Variants in PPFIBP1 observed in about 807,000 individuals in gnomAD.
The protein encoded by PPFIBP1 is liprin-beta-1.
A neutral mutation model predicts 137.8 loss-of-function variants in PPFIBP1; 112 were observed. The ratio of observed to expected loss-of-function variants is 0.81; its 90% CI spans 0.70 to 0.95. PPFIBP1 has a LOEUF of 0.95. Among genes scored for constraint, PPFIBP1 ranks in the 40% least tolerant of loss-of-function variants. PPFIBP1 has a pLI of 0.00. For missense variants in PPFIBP1, 1,083 were observed against 1,196.6 expected (o/e 0.91, Z 1.40); for synonymous variants, 378 against 417.3 (o/e 0.91, Z 1.15).
At chr12:27,638,507 G>A (rs922804766) in intron 4 of PPFIBP1, among the ~76,000 whole-genome samples, 17 of 26,978 alleles carry the variant, frequency 6.3e-4, no homozygotes, top group African/African-American at 1.4e-3. Flanking sequence ...TGGTTTTCTG[G>A]TCTGTAAAAT....
chr12:27,639,909 G>A (rs1233709931), intron 4 of PPFIBP1, among the ~76,000 whole-genome samples: 1 of 152,096 alleles, frequency 6.6e-6, no homozygotes, highest in Non-Finnish European at 1.5e-5. Context: ...AGCAGTCCCC[G>A]TCCTACCACC....
chr12:27,679,903 A>G (rs570308411), intron 20 of PPFIBP1, 30 bp from the exon 21 acceptor site: 1 of 1,613,640 alleles, frequency 6.2e-7, no homozygotes, highest in South Asian at 1.1e-5. Flanking sequence ...CCTCAGGTCT[A>G]ATACTGGCCA....
chr12:27,634,162 T>C (rs949715356), intron 3 of PPFIBP1, among the ~76,000 whole-genome samples: 1 of 148,496 alleles, frequency 6.7e-6, no homozygotes. Flanking sequence ...TTTTTTTTTT[T>C]AAGAGAGGAA....
intron 1 of PPFIBP1, among the ~76,000 whole-genome samples, chr12:27,565,652 C>G (rs11049048): frequency 0.12 from 17,848 of 152,230 alleles, 1,198 homozygotes; most frequent in South Asian, 0.28. Context: ...CTGTGCTACT[C>G]CCCGTGTCCC....
intron 2 of PPFIBP1, among the ~76,000 whole-genome samples, chr12:27,628,166 A>AT (rs1192426884): frequency 1.3e-5 from 2 of 151,994 alleles, no homozygotes; most frequent in African/African-American, 2.4e-5. Context: ...TGGATGGTGA[A>AT]TTTTTTTGTT....
intron 21 of PPFIBP1, among the ~76,000 whole-genome samples, chr12:27,680,773 G>A (rs1566005000): frequency 6.6e-6 from 1 of 152,102 alleles, no homozygotes; most frequent in Non-Finnish European, 1.5e-5. Context: ...TGCATAAGAG[G>A]GTGGGGTTGG....
intron 1 of PPFIBP1, among the ~76,000 whole-genome samples, chr12:27,549,971 G>C (rs1315744667): frequency 6.6e-6 from 1 of 152,236 alleles, no homozygotes; most frequent in Non-Finnish European, 1.5e-5. Flanking sequence ...AGTGGTTAAG[G>C]ACACAGGCTT....
At chr12:27,537,610 G>A (rs576107989) in intron 1 of PPFIBP1, among the ~76,000 whole-genome samples, 4 of 152,218 alleles carry the variant, frequency 2.6e-5, no homozygotes, top group South Asian at 4.1e-4. Flanking sequence ...TTTGGCCTGC[G>A]TGTTATTAAT....
At chr12:27,623,197 G>C (rs1393900118) in intron 2 of PPFIBP1, among the ~76,000 whole-genome samples, 5 of 152,010 alleles carry the variant, frequency 3.3e-5, no homozygotes, top group African/African-American at 7.3e-5. Context: ...AGTTAGAGTG[G>C]GTAGAGCAAT....
At chr12:27,659,943 TA>T (rs1026399974) in intron 10 of PPFIBP1, among the ~76,000 whole-genome samples, 1 of 151,198 alleles carries the variant, frequency 6.6e-6, no homozygotes, top group Non-Finnish European at 1.5e-5. Context: ...ATGCTGTCTC[TA>T]AAAAAAAGTA....
intron 5 of PPFIBP1, among the ~76,000 whole-genome samples, chr12:27,647,116 C>T (rs930419426): frequency 3.3e-5 from 5 of 152,232 alleles, no homozygotes; most frequent in African/African-American, 1.2e-4. Context: ...ATTCTCCTGC[C>T]TCAGCCTCCT....
intron 5 of PPFIBP1, chr12:27,646,403 C>A (rs1398253328): frequency 4.6e-6 from 2 of 435,204 alleles, no homozygotes; most frequent in Non-Finnish European, 8.6e-6. Context: ...GTTGTCTGAT[C>A]TGTTCTTTTT....
intron 2 of PPFIBP1, among the ~76,000 whole-genome samples, chr12:27,604,902 T>A (rs1450097407): frequency 2.0e-5 from 3 of 152,198 alleles, no homozygotes; most frequent in South Asian, 2.1e-4. Flanking sequence ...ACATCTTACA[T>A]GGATGGCGGG....
At chr12:27,637,906 T>C (rs1461800787) in intron 4 of PPFIBP1, among the ~76,000 whole-genome samples, 1 of 152,220 alleles carries the variant, frequency 6.6e-6, no homozygotes, top group Non-Finnish European at 1.5e-5. Context: ...GGATGTGTTT[T>C]ATGATCTTAA....
chr12:27,596,179 A>G (rs1773718408), intron 2 of PPFIBP1, among the ~76,000 whole-genome samples: 1 of 151,970 alleles, frequency 6.6e-6, no homozygotes, highest in South Asian at 2.1e-4. Flanking sequence ...ATTGGAATCT[A>G]TCAATTTCTA....
At chr12:27,546,355 A>C (rs1234076249) in intron 1 of PPFIBP1, among the ~76,000 whole-genome samples, 1 of 152,232 alleles carries the variant, frequency 6.6e-6, no homozygotes, top group Non-Finnish European at 1.5e-5. Context: ...ATGAGATCAC[A>C]TGTAAAATGC....
chr12:27,668,496 T>C (rs929575800), intron 13 of PPFIBP1, among the ~76,000 whole-genome samples: 5 of 152,224 alleles, frequency 3.3e-5, no homozygotes, highest in Admixed American at 3.3e-4. Context: ...TCCCTCTAAG[T>C]CATGCTTCCT....
intron 1 of PPFIBP1, among the ~76,000 whole-genome samples, chr12:27,554,711 G>A (rs987250212): frequency 2.0e-5 from 3 of 152,144 alleles, no homozygotes; most frequent in Non-Finnish European, 4.4e-5. Context: ...GCAAGTTAGT[G>A]TCCAGTTTCT....
chr12:27,647,376 C>G (rs1355067992), intron 5 of PPFIBP1, among the ~76,000 whole-genome samples: 6 of 151,924 alleles, frequency 3.9e-5, no homozygotes, highest in African/African-American at 9.7e-5. Flanking sequence ...ATTTCTATTT[C>G]AAACATTAAC....
Sources: allele counts gnomAD v4.1 joint callset (sites outside exome capture counted in the v4.1 genomes callset), GRCh38; gene constraint gnomAD v4.1.1; transcripts MANE v1.5; gene names NCBI Gene and HGNC (gene_info 2026-07-23, HGNC 2026-07-21).